NTNG1: variants seen among roughly 807,000 people sequenced by gnomAD.
The protein encoded by NTNG1 is netrin-G1.
In NTNG1, 16 loss-of-function variants were observed where a neutral mutation model predicts 54.0. The observed-to-expected ratio is 0.30, with a 90% confidence interval of 0.20 to 0.45. NTNG1 has a LOEUF of 0.45. Ranked by LOEUF, NTNG1 falls within the 20% of genes least tolerant of loss-of-function variation. NTNG1 has a pLI of 1.00. For missense variants in NTNG1, 530 were observed against 678.7 expected (o/e 0.78, Z 2.43); for synonymous variants, 255 against 263.1 (o/e 0.97, Z 0.30).
intron 7 of NTNG1, among the ~76,000 whole-genome samples, chr1:107,442,973 G>T (rs1484429975): frequency 6.6e-6 from 1 of 152,134 alleles, no homozygotes; most frequent in South Asian, 2.1e-4. Context: ...TATAGTAGGT[G>T]CATTGAGTAA....
chr1:107,407,524 T>C (rs550309789), intron 4 of NTNG1, among the ~76,000 whole-genome samples, 158 bp from the exon 5 acceptor site: 7 of 152,202 alleles, frequency 4.6e-5, no homozygotes, highest in East Asian at 3.9e-4. Context: ...AATGTGTATA[T>C]GCATATATAT....
intron 3 of NTNG1, among the ~76,000 whole-genome samples, chr1:107,387,646 G>C (rs776823579): frequency 6.6e-6 from 1 of 152,176 alleles, no homozygotes; most frequent in Non-Finnish European, 1.5e-5. Flanking sequence ...TCTAATCTCA[G>C]AGAGAGTAAT....
Position 107,309,227 on chromosome 1 carries a change from G to A in NTNG1, c.247-15055G>A, listed in dbSNP as rs1003405939. On this transcript the variant is annotated intron_variant, in intron 2 of 7. Coordinates refer to ENST00000370068, the MANE Select transcript of NTNG1 (RefSeq NM_001113226.3). ...TGTCTTAGGCTTCAGTGGAAATAGA[G>A]TCACCAACTCTAGGCCAGTTCTGGA... Among the ~76,000 whole-genome samples, 4 of 152,238 alleles carry A rather than the reference G, an allele frequency of 2.6e-5. No homozygotes were observed. The East Asian group carries it at 7.7e-4, about 29-fold the overall frequency.
At chr1:107,435,378 G>A (rs1452380013) in intron 6 of NTNG1, among the ~76,000 whole-genome samples, 1 of 152,092 alleles carries the variant, frequency 6.6e-6, no homozygotes, top group Non-Finnish European at 1.5e-5. Context: ...CAAGGAGAGA[G>A]CATTTTAGAG....
intron 2 of NTNG1, among the ~76,000 whole-genome samples, chr1:107,226,999 G>A (rs895757741): frequency 3.3e-5 from 5 of 152,110 alleles, no homozygotes; most frequent in African/African-American, 1.2e-4. Flanking sequence ...GTATGCTTCA[G>A]TAATGGGCGA....
intron 2 of NTNG1, among the ~76,000 whole-genome samples, chr1:107,257,587 A>T (rs4471296): frequency 2.0e-5 from 3 of 152,174 alleles, no homozygotes; most frequent in African/African-American, 7.2e-5. Flanking sequence ...CAGTCACCTG[A>T]TTTGGAATTG....
intron 1 of NTNG1, chr1:107,141,392 T>G (rs1371167471): frequency 1.3e-5 from 2 of 149,650 alleles, no homozygotes; most frequent in Non-Finnish European, 3.0e-5. Flanking sequence ...CCAGGCTGGC[T>G]GCGCAGGGCC....
chr1:107,266,819 A>G (rs1222311120), intron 2 of NTNG1, among the ~76,000 whole-genome samples: 1 of 152,008 alleles, frequency 6.6e-6, no homozygotes, highest in Non-Finnish European at 1.5e-5. Context: ...CATTTCAGCC[A>G]GTGGGAGTGC....
At chr1:107,240,976 G>C (rs964583112) in intron 2 of NTNG1, among the ~76,000 whole-genome samples, 2 of 151,870 alleles carry the variant, frequency 1.3e-5, no homozygotes, top group Non-Finnish European at 2.9e-5. Context: ...AATCACTTCG[G>C]ATTTTTTTTT....
At chr1:107,407,198 A>G (rs1037777987) in intron 4 of NTNG1, among the ~76,000 whole-genome samples, 1 of 152,132 alleles carries the variant, frequency 6.6e-6, no homozygotes, top group Admixed American at 6.6e-5. Flanking sequence ...ATGCCACGTG[A>G]TTTTCAACAG....
chr1:107,187,047 C>T (rs1033069290), intron 2 of NTNG1, among the ~76,000 whole-genome samples: 8 of 152,156 alleles, frequency 5.3e-5, no homozygotes, highest in Admixed American at 5.2e-4. Context: ...ACTGGGCTTT[C>T]TGGCTCCAAA....
chr1:107,197,086 A>G (rs77968306), intron 2 of NTNG1, among the ~76,000 whole-genome samples: 6,326 of 152,124 alleles, frequency 0.042, 139 homozygotes, highest in Non-Finnish European at 0.05. Flanking sequence ...GTGTAAAACT[A>G]TTTATTGTTT....
chr1:107,184,337 C>A (rs1657293126), intron 2 of NTNG1, among the ~76,000 whole-genome samples: 1 of 152,142 alleles, frequency 6.6e-6, no homozygotes, highest in Non-Finnish European at 1.5e-5. Flanking sequence ...ACAGCAGTCA[C>A]TGTCCAACAG....
chr1:107,392,403 A>T (rs1384848716), intron 3 of NTNG1, among the ~76,000 whole-genome samples: 1 of 152,010 alleles, frequency 6.6e-6, no homozygotes. Context: ...GGACAACTAG[A>T]TAAGAGTGCG....
chr1:107,433,660 T>C (rs1007320793), intron 6 of NTNG1, among the ~76,000 whole-genome samples: 1 of 152,222 alleles, frequency 6.6e-6, no homozygotes, highest in Non-Finnish European at 1.5e-5. Context: ...CAAGAATGAA[T>C]AGAAAAATTT....
intron 3 of NTNG1, among the ~76,000 whole-genome samples, chr1:107,377,606 A>AT (rs1671376682): frequency 6.6e-6 from 1 of 152,106 alleles, no homozygotes; most frequent in Non-Finnish European, 1.5e-5. Context: ...TCTTCACAGC[A>AT]TTTTCTCCAG....
At chr1:107,404,528 T>A (rs1673277566) in intron 4 of NTNG1, among the ~76,000 whole-genome samples, 1 of 152,124 alleles carries the variant, frequency 6.6e-6, no homozygotes, top group African/African-American at 2.4e-5. Context: ...GACCAAAAAG[T>A]GATGTTTTCA....
intron 2 of NTNG1, among the ~76,000 whole-genome samples, chr1:107,163,582 C>T (rs1655563342): frequency 6.6e-6 from 1 of 152,078 alleles, no homozygotes; most frequent in South Asian, 2.1e-4. Context: ...GAGGTTCAGG[C>T]TCCAAGTAAG....
intron 2 of NTNG1, among the ~76,000 whole-genome samples, chr1:107,226,249 A>G (rs974858013): frequency 1.3e-5 from 2 of 152,150 alleles, no homozygotes; most frequent in African/African-American, 2.4e-5. Context: ...TGTGAGTCTT[A>G]GTTTGACTGA....
Sources: gnomAD v4.1 joint callset for allele counts (sites outside exome capture counted in the v4.1 genomes callset) on GRCh38, gnomAD v4.1.1 for gene constraint, MANE v1.5 for transcripts, NCBI Gene and HGNC (gene_info 2026-07-23, HGNC 2026-07-21) for gene names.